The following EVA1C variants were observed in gnomAD, a reference collection of about 807,000 sequenced individuals.
EVA1C encodes protein eva-1 homolog C.
EVA1C carries 25 observed loss-of-function variants against 45.4 expected under a neutral mutation model. That is an observed-to-expected ratio of 0.55 (90% CI 0.40 to 0.77). The LOEUF is 0.77. Among genes scored for constraint, EVA1C ranks in the 30% least tolerant of loss-of-function variants. EVA1C has a pLI of 0.00. For missense variants in EVA1C, 479 were observed against 554.8 expected (o/e 0.86, Z 1.37); for synonymous variants, 190 against 221.2 (o/e 0.86, Z 1.25).
chr21:32,491,670 C>T (rs903327371), intron 4 of EVA1C, among the ~76,000 whole-genome samples: 33 of 115,022 alleles, frequency 2.9e-4, no homozygotes, highest in African/African-American at 1.1e-3. Flanking sequence ...GGTGACAGAG[C>T]GAGACTCTGT....
chr21:32,471,778 G>A lies in EVA1C; in HGVS notation c.634+3930G>A, dbSNP rs372265372. The stretch of plus-strand genomic sequence containing the variant: ...CGAGTAACTCGAACTACAGGTGCCC[G>A]CCACCACGCCCCACTATTTTTTTGT... On this transcript the variant is annotated intron_variant, in intron 4 of 7. Coordinates refer to ENST00000300255, the MANE Select transcript of EVA1C (RefSeq NM_058187.5). Among the ~76,000 whole-genome samples, 72 of 151,776 alleles carry A rather than the reference G, an allele frequency of 4.7e-4. 1 individual carries two copies. The South Asian group carries it at 0.013, about 27-fold the overall frequency.
chr21:32,420,885 G>A (rs2034243110), intron 1 of EVA1C, among the ~76,000 whole-genome samples: 1 of 152,198 alleles, frequency 6.6e-6, no homozygotes, highest in Non-Finnish European at 1.5e-5. Flanking sequence ...CTAATACCAA[G>A]GGAATAAAAC....
At chr21:32,426,131 T>C (rs1278851805) in intron 1 of EVA1C, among the ~76,000 whole-genome samples, 2 of 152,058 alleles carry the variant, frequency 1.3e-5, no homozygotes, top group Non-Finnish European at 2.9e-5. Context: ...TCTAGCCCAG[T>C]GGGGTTTTAG....
chr21:32,457,341 G>A (rs1042975709), intron 2 of EVA1C, among the ~76,000 whole-genome samples: 31 of 152,204 alleles, frequency 2.0e-4, no homozygotes, highest in African/African-American at 7.2e-4. Flanking sequence ...AGCAGCCGCC[G>A]CACCAGTAGT....
Position 32,507,691 on chromosome 21 carries a change from T to G in EVA1C, c.949+3676T>G, listed in dbSNP as rs200722703. Among the ~76,000 whole-genome samples, 6 of 152,248 alleles carry G rather than the reference T, an allele frequency of 3.9e-5. No individual in the cohort carries two copies. In the East Asian group the frequency reaches 1.2e-3, roughly 29 times the overall value. ...ATGCATGTGTATCTGTGTGCATGTG[T>G]GCATGCGTATGTGCACGTGTGTGTG... On this transcript the variant is annotated intron_variant, in intron 7 of 7. Transcript: ENST00000300255.
intron 4 of EVA1C, among the ~76,000 whole-genome samples, chr21:32,470,698 C>T (rs1406829912): frequency 6.6e-6 from 1 of 152,156 alleles, no homozygotes; most frequent in East Asian, 1.9e-4. Flanking sequence ...TCTCCTTACT[C>T]CCAGGCTTGC....
intron 4 of EVA1C, among the ~76,000 whole-genome samples, chr21:32,473,732 C>T (rs1162187414): frequency 6.6e-6 from 1 of 152,196 alleles, no homozygotes; most frequent in Non-Finnish European, 1.5e-5. Context: ...GGGTCTCGCT[C>T]TGTCATCCAG....
At chr21:32,433,524 G>A (rs1241517298) in intron 1 of EVA1C, among the ~76,000 whole-genome samples, 2 of 152,112 alleles carry the variant, frequency 1.3e-5, no homozygotes, top group Admixed American at 6.5e-5. Context: ...ACCTTCACCT[G>A]GGCTGCTAAG....
At chr21:32,466,312 G>C (rs1482227603) in intron 3 of EVA1C, among the ~76,000 whole-genome samples, 1 of 151,768 alleles carries the variant, frequency 6.6e-6, no homozygotes, top group Non-Finnish European at 1.5e-5. Context: ...CCAGCTACTT[G>C]GGAGGCTGAG....
At chr21:32,411,886 T>A (rs2033838003), upstream of EVA1C, 1 of 152,304 alleles carries the variant, frequency 6.6e-6, no homozygotes, top group African/African-American at 2.4e-5. Context: ...AGGCCACTCC[T>A]AGGCCACTGG....
chr21:32,501,331 T>C, intron 5 of EVA1C, 84 bp from the exon 6 acceptor site: 2 of 1,194,264 alleles, frequency 1.7e-6, no homozygotes, highest in South Asian at 2.8e-5. Context: ...TAAAATCTTA[T>C]CTACATTGCA....
intron 5 of EVA1C, among the ~76,000 whole-genome samples, chr21:32,499,566 CAGA>C (rs1480072909): frequency 6.6e-6 from 1 of 152,216 alleles, no homozygotes; most frequent in Non-Finnish European, 1.5e-5. Flanking sequence ...GGGACATCCC[CAGA>C]AGAATTTAGT....
chr21:32,499,955 C>T (rs376175141), intron 5 of EVA1C, among the ~76,000 whole-genome samples: 146 of 152,278 alleles, frequency 9.6e-4, no homozygotes, highest in Admixed American at 1.8e-3. Flanking sequence ...GAGTCGGTCA[C>T]GCTGCCATCC....
At chr21:32,456,583 T>C (rs1358556705) in intron 2 of EVA1C, among the ~76,000 whole-genome samples, 1 of 152,244 alleles carries the variant, frequency 6.6e-6, no homozygotes, top group Admixed American at 6.5e-5. Flanking sequence ...GCCAGCATTC[T>C]TCACGGAGCT....
chr21:32,459,838 C>CA (rs35572319), intron 3 of EVA1C, among the ~76,000 whole-genome samples: 17,890 of 62,566 alleles, frequency 0.29, 2,259 homozygotes, highest in East Asian at 0.34. Flanking sequence ...GAGACTGTCT[C>CA]AAAAAAAAAA....
intron 4 of EVA1C, among the ~76,000 whole-genome samples, chr21:32,472,705 T>C (rs982471568): frequency 1.3e-5 from 2 of 151,488 alleles, no homozygotes; most frequent in African/African-American, 4.9e-5. Context: ...AAAAGACAGG[T>C]TTCCATGGAG....
At chr21:32,513,362 G>T (rs1455472632) in intron 7 of EVA1C, among the ~76,000 whole-genome samples, 1 of 147,584 alleles carries the variant, frequency 6.8e-6, no homozygotes, top group Non-Finnish European at 1.5e-5. Flanking sequence ...TTGTACTTTT[G>T]GTACAGACGG....
intron 3 of EVA1C, among the ~76,000 whole-genome samples, chr21:32,460,187 G>A (rs1440838953): frequency 6.6e-6 from 1 of 152,098 alleles, no homozygotes; most frequent in Non-Finnish European, 1.5e-5. Flanking sequence ...TCTATCGTGG[G>A]TGGTGTCCAC....
At chr21:32,463,919 T>C (rs2036088406) in intron 3 of EVA1C, among the ~76,000 whole-genome samples, 1 of 152,186 alleles carries the variant, frequency 6.6e-6, no homozygotes. Context: ...TTTTCTGAGT[T>C]CTTATGGTTG....
Sources: gnomAD v4.1 joint callset for allele counts (sites outside exome capture counted in the v4.1 genomes callset) on GRCh38, gnomAD v4.1.1 for gene constraint, MANE v1.5 for transcripts, NCBI Gene and HGNC (gene_info 2026-07-23, HGNC 2026-07-21) for gene names.